Variants in HCRTR2 observed in about 807,000 individuals in gnomAD.
The protein encoded by HCRTR2 is hypocretin receptor 2.
Under a neutral mutation model 49.0 loss-of-function variants are expected in HCRTR2, and 22 were observed. That is an observed-to-expected ratio of 0.45 (90% CI 0.32 to 0.64). The LOEUF (loss-of-function observed/expected upper bound fraction) is 0.64. HCRTR2 is among the 30% of genes least tolerant of loss of function. HCRTR2 has a pLI of 0.04. For missense variants in HCRTR2, 491 were observed against 559.4 expected (o/e 0.88, Z 1.23); for synonymous variants, 236 against 205.3 (o/e 1.15, Z -1.28).
rs563630566 is a variant in HCRTR2, at chr6:55,280,207, T to A, written c.984-116T>A. The A allele has an allele frequency of 5.6e-6, 4 of 713,836 alleles. No individual in the cohort carries two copies. The East Asian group carries it at 9.9e-5, about 18-fold the overall frequency. 44.2% of individuals were successfully genotyped at this position (713,836 alleles called of 1,614,324 possible). A position where few individuals can be genotyped will look rare whatever the true frequency, so the allele number is the denominator to read the frequency against. ...AATTATGGGGTCAGAAACCAATCTG[T>A]GGTCAATTCCTGCAACTGAAGAGGA... On this transcript the variant is annotated intron_variant, in intron 5 of 6. Transcript: ENST00000370862.
chr6:55,190,490 G>T (rs565812973), intron 1 of HCRTR2, among the ~76,000 whole-genome samples: 1 of 152,182 alleles, frequency 6.6e-6, no homozygotes, highest in South Asian at 2.1e-4. Context: ...GTGTATGGTG[G>T]CCATTAGAAC....
chr6:55,144,610 T>C (rs9475168), intron 1 of HCRTR2, among the ~76,000 whole-genome samples: 1 of 152,014 alleles, frequency 6.6e-6, no homozygotes, highest in African/African-American at 2.4e-5. Context: ...TCAGGTTAGA[T>C]TCTCCTAAGT....
chr6:55,233,658 G>C (rs1766159577), intron 1 of HCRTR2, among the ~76,000 whole-genome samples: 1 of 152,106 alleles, frequency 6.6e-6, no homozygotes, highest in Non-Finnish European at 1.5e-5. Flanking sequence ...TCGTGCCACT[G>C]CACTCTAGCC....
chr6:55,107,821 A>G (rs1198494117), intron 1 of HCRTR2, among the ~76,000 whole-genome samples: 1 of 152,082 alleles, frequency 6.6e-6, no homozygotes, highest in African/African-American at 2.4e-5. Context: ...ATGAGTGCTT[A>G]TATCATTTTC....
Position 55,186,867 on chromosome 6 carries a change from A to T in HCRTR2, c.223+12057A>T, listed in dbSNP as rs1159944298. Among the ~76,000 whole-genome samples, 3 of 152,300 alleles carry T rather than the reference A, an allele frequency of 2.0e-5. No individual in the cohort carries two copies. The South Asian group carries it at 6.2e-4, about 32-fold the overall frequency. On this transcript the variant is annotated intron_variant, in intron 1 of 6. Coordinates refer to ENST00000370862, the MANE Select transcript of HCRTR2 (RefSeq NM_001384272.1). The stretch of plus-strand genomic sequence containing the variant: ...GCCTAAGCTTTAGGAATCCTCTGTC[A>T]TTCTTTTCCATTGCCAGTGACTTGT...
At chr6:55,198,596 GCTTT>G (rs1765458919) in intron 1 of HCRTR2, among the ~76,000 whole-genome samples, 1 of 152,104 alleles carries the variant, frequency 6.6e-6, no homozygotes, top group African/African-American at 2.4e-5. Context: ...CTCTCATCCA[GCTTT>G]CTTTACTAAT....
chr6:55,284,406 A>T (rs929003284), downstream of HCRTR2, among the ~76,000 whole-genome samples: 4 of 152,154 alleles, frequency 2.6e-5, no homozygotes, highest in African/African-American at 9.7e-5. Context: ...CCTATCCCTC[A>T]CCTACTTAAC....
At chr6:55,267,194 A>G (rs1427054259) in intron 4 of HCRTR2, among the ~76,000 whole-genome samples, 2 of 152,156 alleles carry the variant, frequency 1.3e-5, no homozygotes, top group Non-Finnish European at 1.5e-5. Context: ...GCCATAGGCT[A>G]CATCAAGTGA....
chr6:55,183,664 G>A (rs1470577672), intron 1 of HCRTR2, among the ~76,000 whole-genome samples: 1 of 152,074 alleles, frequency 6.6e-6, no homozygotes, highest in Non-Finnish European at 1.5e-5. Context: ...TTTCACACTG[G>A]GGTTTGCATC....
chr6:55,133,649 T>C (rs1421763748), intron 1 of HCRTR2, among the ~76,000 whole-genome samples: 1 of 139,258 alleles, frequency 7.2e-6, no homozygotes, highest in Non-Finnish European at 1.6e-5. Context: ...CATGTATTTA[T>C]CTATCTATCT....
At chr6:55,140,165 T>TC (rs912249513) in intron 1 of HCRTR2, among the ~76,000 whole-genome samples, 6 of 152,142 alleles carry the variant, frequency 3.9e-5, no homozygotes, top group Non-Finnish European at 8.8e-5. Flanking sequence ...CTGACCCTTT[T>TC]TTTAGTGAAT....
At chr6:55,206,045 T>C (rs541993207) in intron 1 of HCRTR2, among the ~76,000 whole-genome samples, 5 of 152,184 alleles carry the variant, frequency 3.3e-5, no homozygotes, top group African/African-American at 7.2e-5. Flanking sequence ...GTTTACTGAC[T>C]CTTTTATTTG....
rs186977075 is a variant in HCRTR2 at position 55,206,586 on chromosome 6, A to G, written c.223+31776A>G. 4.3e-3 allele frequency among the ~76,000 whole-genome samples: 658 copies of G among 152,028 alleles called. 1 individual carries two copies. The highest frequency in any genetic ancestry group is 0.014 in the African/African-American group (601 of 41,530). ...AGGAGTATAGCGAAAAATAGCATCT[A>G]CCTATAAGGATTTGCAAAGCCAGTA... On this transcript the variant is annotated intron_variant, in intron 1 of 6. Coordinates refer to ENST00000370862, the MANE Select transcript of HCRTR2 (RefSeq NM_001384272.1).
intron 1 of HCRTR2, among the ~76,000 whole-genome samples, chr6:55,160,568 A>G (rs897214971): frequency 1.3e-5 from 2 of 152,178 alleles, no homozygotes; most frequent in Admixed American, 6.5e-5. Context: ...AAGACCCAAC[A>G]GTGTGCTGTA....
At chr6:55,153,523 C>A (rs978383785) in intron 1 of HCRTR2, among the ~76,000 whole-genome samples, 4 of 152,026 alleles carry the variant, frequency 2.6e-5, no homozygotes, top group East Asian at 3.8e-4. Context: ...GAACCATCAT[C>A]ATTTATGCCA....
intron 1 of HCRTR2, among the ~76,000 whole-genome samples, chr6:55,222,505 A>G (rs1337990833): frequency 6.6e-6 from 1 of 152,196 alleles, no homozygotes; most frequent in East Asian, 1.9e-4. Flanking sequence ...TTGTAGCCTT[A>G]TTTACAATAG....
chr6:55,276,382 A>G (rs1767077103), intron 4 of HCRTR2, among the ~76,000 whole-genome samples: 1 of 152,200 alleles, frequency 6.6e-6, no homozygotes, highest in African/African-American at 2.4e-5. Flanking sequence ...TGGTGGTGTA[A>G]AAAGCAACAA....
intron 1 of HCRTR2, among the ~76,000 whole-genome samples, chr6:55,190,328 A>G (rs140639415): frequency 1.3e-5 from 2 of 152,346 alleles, no homozygotes; most frequent in East Asian, 3.9e-4. Context: ...GTATAAGAGA[A>G]AGAGAGGAGT....
Position 55,271,027 on chromosome 6 carries a change from T to C in HCRTR2, c.763-6353T>C, listed in dbSNP as rs548781018. ...CCTATGAAAATCCCAGATGGCTTTG[T>C]ATTTTGGACACAAATTGACAAACTG... On this transcript the variant is annotated intron_variant, in intron 4 of 6. Transcript: ENST00000370862. Among the ~76,000 whole-genome samples, 92 of 152,324 alleles carry C rather than the reference T, an allele frequency of 6.0e-4. 1 individual carries two copies. The highest frequency in any genetic ancestry group is 2.1e-3 in the African/African-American group (88 of 41,588).
Sources: allele counts gnomAD v4.1 joint callset (sites outside exome capture counted in the v4.1 genomes callset), GRCh38; gene constraint gnomAD v4.1.1; transcripts MANE v1.5; gene names NCBI Gene and HGNC (gene_info 2026-07-23, HGNC 2026-07-21).